The following NR3C1 variants were observed in gnomAD, a reference collection of about 807,000 sequenced individuals.
NR3C1 encodes glucocorticoid receptor.
In NR3C1, 14 loss-of-function variants were observed where a neutral mutation model predicts 74.0. The ratio of observed to expected loss-of-function variants is 0.19; its 90% CI spans 0.12 to 0.30. The LOEUF is 0.30. NR3C1 is among the 10% of genes least tolerant of loss of function. NR3C1 has a pLI of 1.00. For synonymous variants in NR3C1, 308 were observed against 332.5 expected (o/e 0.93, Z 0.80); for missense variants, 695 against 909.8 (o/e 0.76, Z 3.04).
intron 2 of NR3C1, among the ~76,000 whole-genome samples, chr5:143,350,453 T>G (rs1199690161): frequency 6.6e-6 from 1 of 152,074 alleles, no homozygotes; most frequent in African/African-American, 2.4e-5. Flanking sequence ...TGCTTTGGGG[T>G]TGATAGCACC....
At position 143,402,069 on chromosome 5, in the gene NR3C1, G is replaced by A. The variant is rs1016455773; in HGVS notation, c.-14+1142C>T. ...AGCATAAATGTCACTGGCCCTCACTGAAAAGTGAATATGAAGGTAGAGAGA... is the reference window on the plus strand; with the variant it reads ...AGCATAAATGTCACTGGCCCTCACTAAAAAGTGAATATGAAGGTAGAGAGA... On this transcript the variant is annotated intron_variant, in intron 1 of 8. Transcript: ENST00000394464. 2.0e-5 allele frequency among the ~76,000 whole-genome samples: 3 copies of A among 152,186 alleles called. No individual in the cohort carries two copies. The South Asian group carries it at 6.2e-4, about 31-fold the overall frequency.
Position 143,340,169 on chromosome 5 carries a change from T to C in NR3C1, c.1185-26001A>G, listed in dbSNP as rs560924901. Among the ~76,000 whole-genome samples, 13 of 152,244 alleles carry C rather than the reference T, an allele frequency of 8.5e-5. No homozygotes were observed. In the South Asian group the frequency reaches 2.3e-3, roughly 27 times the overall value. The stretch of plus-strand genomic sequence containing the variant: ...GCTTTACAGGAAAAATGAGAAAATA[T>C]TGCTGAAAGGAACTAAAGATCTGAA... On this transcript the variant is annotated intron_variant, in intron 2 of 8. Coordinates refer to ENST00000394464, the MANE Select transcript of NR3C1 (RefSeq NM_000176.3).
At chr5:143,337,591 A>G (rs1827387525) in intron 2 of NR3C1, among the ~76,000 whole-genome samples, 1 of 152,166 alleles carries the variant, frequency 6.6e-6, no homozygotes, top group South Asian at 2.1e-4. Context: ...TGTTCATAAT[A>G]GTGGAATGAT....
rs1041124537 is a variant in NR3C1 at position 143,310,318 on chromosome 5, C to T, written c.1352-105G>A. On this transcript the variant is annotated intron_variant, in intron 3 of 8. Coordinates refer to ENST00000394464, the MANE Select transcript of NR3C1 (RefSeq NM_000176.3). Reference sequence around the variant, plus strand: ...CGGTGGAATATAACCAAGACACCCACAGGTATTGCCTTGAGGGAATGTTCT... The same window carrying T: ...CGGTGGAATATAACCAAGACACCCATAGGTATTGCCTTGAGGGAATGTTCT... The T allele has an allele frequency of 6.2e-6, 5 of 806,296 alleles. No individual in the cohort carries two copies. The African/African-American group carries it at 6.7e-5, about 11-fold the overall frequency. 49.9% of individuals were successfully genotyped at this position (806,296 alleles called of 1,614,324 possible).
At chr5:143,358,598 T>C (rs902427939) in intron 2 of NR3C1, among the ~76,000 whole-genome samples, 3 of 152,200 alleles carry the variant, frequency 2.0e-5, no homozygotes, top group African/African-American at 7.2e-5. Context: ...GCAAAATATT[T>C]TCTTTTAAAA....
At chr5:143,334,421 A>C (rs1348954845) in intron 2 of NR3C1, among the ~76,000 whole-genome samples, 1 of 152,186 alleles carries the variant, frequency 6.6e-6, no homozygotes, top group Non-Finnish European at 1.5e-5. Context: ...CATGTCAAGC[A>C]CCTCTCATCA....
chr5:143,412,592 A>G (rs567413448), intron 1 of NR3C1, among the ~76,000 whole-genome samples: 43 of 152,250 alleles, frequency 2.8e-4, no homozygotes, highest in African/African-American at 1.0e-3. Context: ...TGTCTTGCCT[A>G]TTAGTTATCA....
At chr5:143,360,173 CAT>C (rs1394942122) in intron 2 of NR3C1, among the ~76,000 whole-genome samples, 2 of 152,184 alleles carry the variant, frequency 1.3e-5, no homozygotes, top group South Asian at 2.1e-4. Flanking sequence ...TTTACACACA[CAT>C]GATTAAAGAA....
At chr5:143,294,980 A>G (rs1816852533) in intron 7 of NR3C1, 1 of 985,402 alleles carries the variant, frequency 1.0e-6, no homozygotes, top group South Asian at 4.7e-5. Context: ...TGAATCTCTG[A>G]CAATCCAGCT....
Position 143,359,169 on chromosome 5 carries a change from T to C in NR3C1, c.1184+40487A>G, listed in dbSNP as rs540492679. 2.1e-4 allele frequency among the ~76,000 whole-genome samples: 32 copies of C among 152,282 alleles called. No individual in the cohort carries two copies. In the South Asian group the frequency reaches 6.6e-3, roughly 32 times the overall value. ...CCCTAAAACCTCACTGTGTCCCCAT[T>C]AACAGCTCCAAGCCTCATTTCCAAA... On this transcript the variant is annotated intron_variant, in intron 2 of 8. Transcript: ENST00000394464.
At position 143,399,972 on chromosome 5, in the gene NR3C1, C is replaced by G. The variant is rs775701228; in HGVS notation, c.868G>C (p.Gly290Arg). Residue 290 changes from glycine to arginine, a missense_variant, in exon 2 of 9, where the codon GGG (glycine) becomes CGG (arginine). Gly to Arg is a moderately radical substitution (Grantham distance 125). Coordinates refer to ENST00000394464, the MANE Select transcript of NR3C1 (RefSeq NM_000176.3). ...KEDFIELCTP[G>R]VIKQEKLGTV... ...CCCAGTTTCTCTTGCTTAATTACCC[C>G]AGGGGTGCAGAGTTCGATGAAATCT... 6.2e-7 allele frequency: 1 copy of G among 1,614,154 alleles called. No individual in the cohort carries two copies. The highest frequency in any genetic ancestry group is 2.2e-5 in the East Asian group (1 of 44,882).
At chr5:143,314,468 G>T (rs541015934) in intron 2 of NR3C1, among the ~76,000 whole-genome samples, 1 of 137,076 alleles carries the variant, frequency 7.3e-6, no homozygotes, top group Non-Finnish European at 1.6e-5. Flanking sequence ...TTATAATCAC[G>T]TTTATTAAGG....
chr5:143,431,300 T>C (rs1013324592), intron 1 of NR3C1, among the ~76,000 whole-genome samples: 5 of 152,150 alleles, frequency 3.3e-5, no homozygotes, highest in African/African-American at 1.2e-4. Context: ...TGCAAACCTA[T>C]GTCTGAGAAA....
At chr5:143,333,465 G>A (rs978138285) in intron 2 of NR3C1, among the ~76,000 whole-genome samples, 13 of 152,090 alleles carry the variant, frequency 8.5e-5, no homozygotes, top group Non-Finnish European at 1.8e-4. Flanking sequence ...TAAAGATGTC[G>A]AGTAACTAAA....
At chr5:143,310,807 G>A (rs368620116) in intron 3 of NR3C1, among the ~76,000 whole-genome samples, 3 of 152,136 alleles carry the variant, frequency 2.0e-5, no homozygotes, top group Admixed American at 6.5e-5. Flanking sequence ...ACAGGTGCAC[G>A]CCACCACGCC....
At chr5:143,290,168 A>G (rs893967981) in intron 7 of NR3C1, among the ~76,000 whole-genome samples, 60 of 152,162 alleles carry the variant, frequency 3.9e-4, no homozygotes, top group African/African-American at 1.4e-3. Flanking sequence ...CTTAACATCT[A>G]TTTTGCTTGG....
intron 7 of NR3C1, among the ~76,000 whole-genome samples, chr5:143,293,608 G>A (rs891938765): frequency 4.6e-5 from 7 of 152,290 alleles, no homozygotes; most frequent in African/African-American, 1.4e-4. Flanking sequence ...CCGTCAAAGA[G>A]CAAGTTGGCT....
chr5:143,281,363 T>C lies in NR3C1; in HGVS notation c.*526A>G, dbSNP rs1813064990. ...CGTAGTTCACTAAATATAAAGGAAA[T>C]TGTTAAAACCAGACAGTAATAGCTA... On this transcript the variant is annotated 3_prime_UTR_variant, in exon 9 of 9. Coordinates refer to ENST00000394464, the MANE Select transcript of NR3C1 (RefSeq NM_000176.3). 6.5e-6 allele frequency: 1 copy of C among 154,864 alleles called. No homozygotes were observed. The highest frequency in any genetic ancestry group is 1.4e-5 in the Non-Finnish European group (1 of 69,476). The allele number at this position is 154,864 out of a possible 1,614,324, so 9.6% of individuals were successfully genotyped here. A position where few individuals can be genotyped will look rare whatever the true frequency, so the allele number is the denominator to read the frequency against.
At chr5:143,312,835 C>T (rs570216568) in intron 3 of NR3C1, among the ~76,000 whole-genome samples, 1 of 152,290 alleles carries the variant, frequency 6.6e-6, no homozygotes, top group Non-Finnish European at 1.5e-5. Flanking sequence ...CTTCTGTCTT[C>T]TGCGTATGTG....
Sources: gnomAD v4.1 joint callset for allele counts (sites outside exome capture counted in the v4.1 genomes callset) on GRCh38, gnomAD v4.1.1 for gene constraint, MANE v1.5 for transcripts, NCBI Gene and HGNC (gene_info 2026-07-23, HGNC 2026-07-21) for gene names.